Variants in UBE2K observed in about 807,000 individuals in gnomAD.
The protein encoded by UBE2K is ubiquitin conjugating enzyme E2 K.
A neutral mutation model predicts 30.0 loss-of-function variants in UBE2K; 6 were observed. That is an observed-to-expected ratio of 0.20 (90% CI 0.11 to 0.39). UBE2K has a LOEUF of 0.39. Ranked by LOEUF, UBE2K falls within the 10% of genes least tolerant of loss-of-function variation. UBE2K has a pLI of 1.00. For synonymous variants in UBE2K, 86 were observed against 83.7 expected (o/e 1.03, Z -0.15); for missense variants, 61 against 241.6 (o/e 0.25, Z 4.96).
At chr4:39,732,390 G>A (rs1288721447) in intron 1 of UBE2K, among the ~76,000 whole-genome samples, 1 of 152,114 alleles carries the variant, frequency 6.6e-6, no homozygotes, top group African/African-American at 2.4e-5. Flanking sequence ...AGGGACTTAG[G>A]TTTTGTTCAC....
At position 39,720,651 on chromosome 4, in the gene UBE2K, A is replaced by G. The variant is rs1210636330; in HGVS notation, c.64-16769A>G. Among the ~76,000 whole-genome samples the G allele has an allele frequency of 2.0e-5, 3 of 152,216 alleles. No homozygotes were observed. The East Asian group carries it at 5.8e-4, about 29-fold the overall frequency. On this transcript the variant is annotated intron_variant, in intron 1 of 6. Coordinates refer to ENST00000261427, the MANE Select transcript of UBE2K (RefSeq NM_005339.5). ...AACTGATACTTACAGGATAAATTAG[A>G]ATGACCATGATCAACTCTGTATACG...
At chr4:39,739,740 GCACCC>G (rs1170835133) in intron 2 of UBE2K, among the ~76,000 whole-genome samples, 3 of 151,708 alleles carry the variant, frequency 2.0e-5, no homozygotes, top group Non-Finnish European at 4.4e-5. Flanking sequence ...CCACCGCACC[GCACCC>G]AGCCCATTTT....
intron 1 of UBE2K, among the ~76,000 whole-genome samples, chr4:39,712,922 G>A (rs1198253999): frequency 6.7e-6 from 1 of 149,020 alleles, no homozygotes; most frequent in Non-Finnish European, 1.5e-5. Flanking sequence ...CTGGAGTGCC[G>A]TGGCGCGATC....
chr4:39,714,703 C>T (rs1210743739), intron 1 of UBE2K, among the ~76,000 whole-genome samples: 1 of 150,060 alleles, frequency 6.7e-6, no homozygotes. Context: ...TGTGCCACTA[C>T]CCCCAGTTAA....
intron 3 of UBE2K, among the ~76,000 whole-genome samples, chr4:39,754,139 GT>G (rs1341130754): frequency 1.3e-5 from 2 of 152,178 alleles, no homozygotes; most frequent in African/African-American, 4.8e-5. Flanking sequence ...GCTCTCTTTA[GT>G]TTTGGTGCGG....
At chr4:39,698,834 G>A (rs530232936) in intron 1 of UBE2K, among the ~76,000 whole-genome samples, 17 of 152,290 alleles carry the variant, frequency 1.1e-4, no homozygotes, top group African/African-American at 4.1e-4. Context: ...GGGTATTCGG[G>A]GTTATTGCCT....
intron 1 of UBE2K, among the ~76,000 whole-genome samples, chr4:39,726,921 T>C (rs1021896953): frequency 6.7e-6 from 1 of 149,928 alleles, no homozygotes; most frequent in African/African-American, 2.5e-5. Context: ...TTGAAACAAA[T>C]CTTCTGAGTT....
chr4:39,748,220 C>T (rs1721077753), intron 3 of UBE2K, among the ~76,000 whole-genome samples: 1 of 152,040 alleles, frequency 6.6e-6, no homozygotes. Flanking sequence ...AAATCTCTCC[C>T]ACCTCATCCC....
intron 1 of UBE2K, among the ~76,000 whole-genome samples, chr4:39,735,308 CA>C (rs1244678343): frequency 3.3e-5 from 5 of 152,226 alleles, no homozygotes; most frequent in Non-Finnish European, 5.9e-5. Flanking sequence ...CTCCCTGGTT[CA>C]AGTGATTCTC....
At chr4:39,771,971 T>G (rs1041009243) in intron 4 of UBE2K, among the ~76,000 whole-genome samples, 2 of 152,108 alleles carry the variant, frequency 1.3e-5, no homozygotes, top group African/African-American at 4.8e-5. Flanking sequence ...CTCAAGTAAC[T>G]GGGATTACAA....
intron 2 of UBE2K, among the ~76,000 whole-genome samples, chr4:39,740,353 T>C (rs1720625793): frequency 6.6e-6 from 1 of 152,196 alleles, no homozygotes; most frequent in Non-Finnish European, 1.5e-5. Context: ...AATTGGATAA[T>C]GTATACTTAT....
chr4:39,718,634 G>A (rs1311332761), intron 1 of UBE2K, among the ~76,000 whole-genome samples: 3 of 152,222 alleles, frequency 2.0e-5, no homozygotes, highest in Non-Finnish European at 4.4e-5. Flanking sequence ...TGCAGGTCCC[G>A]AGCCCTGCCC....
intron 4 of UBE2K, among the ~76,000 whole-genome samples, chr4:39,763,148 G>C (rs1420433657): frequency 6.7e-6 from 1 of 149,124 alleles, no homozygotes; most frequent in African/African-American, 2.4e-5. Flanking sequence ...TTGCCATGTT[G>C]GCCAGGCTGG....
intron 4 of UBE2K, chr4:39,770,819 G>A (rs1263293717): frequency 2.6e-6 from 4 of 1,550,648 alleles, no homozygotes; most frequent in Admixed American, 2.0e-5. Context: ...TGACGATGCA[G>A]ATGTCAGATA....
chr4:39,706,669 T>C (rs1718384744), intron 1 of UBE2K, among the ~76,000 whole-genome samples: 1 of 151,726 alleles, frequency 6.6e-6, no homozygotes, highest in African/African-American at 2.4e-5. Context: ...CAGGGTTTTA[T>C]GATGTTGGCC....
intron 4 of UBE2K, among the ~76,000 whole-genome samples, chr4:39,774,612 C>T (rs1025995923): frequency 3.3e-5 from 5 of 150,340 alleles, no homozygotes; most frequent in Non-Finnish European, 7.4e-5. Context: ...GACTCCGTCT[C>T]AGGGGAAAAA....
chr4:39,758,051 C>G (rs558942310), intron 4 of UBE2K, among the ~76,000 whole-genome samples: 1 of 152,298 alleles, frequency 6.6e-6, no homozygotes, highest in African/African-American at 2.4e-5. Flanking sequence ...CTTTACTTGA[C>G]TATATAACGA....
At chr4:39,702,222 TTTTC>T (rs1718057079) in intron 1 of UBE2K, among the ~76,000 whole-genome samples, 1 of 73,990 alleles carries the variant, frequency 1.4e-5, no homozygotes, top group Non-Finnish European at 2.5e-5. Context: ...TTTTCTTTTC[TTTTC>T]TTTTCTTTTT....
intron 4 of UBE2K, among the ~76,000 whole-genome samples, chr4:39,764,003 A>G (rs1712146474): frequency 6.6e-6 from 1 of 152,206 alleles, no homozygotes; most frequent in African/African-American, 2.4e-5. Context: ...AAGTGCTGAG[A>G]CTGCAGGCGT....
Sources: gnomAD v4.1 joint callset for allele counts (sites outside exome capture counted in the v4.1 genomes callset) on GRCh38, gnomAD v4.1.1 for gene constraint, MANE v1.5 for transcripts, NCBI Gene and HGNC (gene_info 2026-07-23, HGNC 2026-07-21) for gene names.